The following DNA2 variants were observed in gnomAD, a reference collection of about 807,000 sequenced individuals.
DNA2 encodes the protein DNA replication ATP-dependent helicase/nuclease DNA2.
A neutral mutation model predicts 119.1 loss-of-function variants in DNA2; 101 were observed. The ratio of observed to expected loss-of-function variants is 0.85; its 90% CI spans 0.72 to 1.00. The LOEUF (loss-of-function observed/expected upper bound fraction) is 1.00. DNA2 is among the 50% of genes least tolerant of loss of function. The pLI is 0.00. For synonymous variants in DNA2, 366 were observed against 424.4 expected, an observed-to-expected ratio of 0.86 and a Z score of 1.69; for missense variants, 1,121 against 1,255.5, an observed-to-expected ratio of 0.89 and a Z score of 1.62.
rs76891100 is a variant in DNA2, at chr10:68,470,987, C to A, written c.74+804G>T. Among the ~76,000 whole-genome samples, 793 of 152,250 alleles carry A rather than the reference C, an allele frequency of 5.2e-3. 12 individuals carry two copies. Among genetic ancestry groups the A allele is most frequent in the African/African-American group, 0.018 (750 of 41,550 alleles). ...TAAGTCAATTTGTCAATACTTTCAT[C>A]CATCGGTCCAAGCTGTCTAAAATTA... On this transcript the variant is annotated intron_variant, in intron 1 of 20. Coordinates refer to ENST00000358410, the MANE Select transcript of DNA2 (RefSeq NM_001080449.3).
intron 5 of DNA2, among the ~76,000 whole-genome samples, chr10:68,452,134 G>A (rs1279913887): frequency 6.6e-6 from 1 of 152,004 alleles, no homozygotes; most frequent in Non-Finnish European, 1.5e-5. Context: ...CCGGGGTAGA[G>A]TGCAGTGGCA....
At chr10:68,424,316 C>A (rs2051706015) in intron 14 of DNA2, among the ~76,000 whole-genome samples, 1 of 152,056 alleles carries the variant, frequency 6.6e-6, no homozygotes, top group South Asian at 2.1e-4. Context: ...CCAGCCCGAG[C>A]AACACAGCGA....
rs74632734 is a variant in DNA2 at position 68,468,385 on chromosome 10, A to T, written c.258-79T>A. ...AAACGTATTAGGGAGGCTTCAAAAA[A>T]ATAAATGAGTATTTTATCTGAAGAA... On this transcript the variant is annotated intron_variant, in intron 2 of 20. Coordinates refer to ENST00000358410, the MANE Select transcript of DNA2 (RefSeq NM_001080449.3). 5,784 of 926,572 alleles carry T rather than the reference A, an allele frequency of 6.2e-3. 231 individuals are homozygous for T. The African/African-American group carries it at 0.088, about 14-fold the overall frequency. The allele number at this position is 926,572 out of a possible 1,614,324, so 57.4% of individuals were successfully genotyped here. A position where few individuals can be genotyped will look rare whatever the true frequency, so the allele number is the denominator to read the frequency against.
chr10:68,449,892 T>C, intron 6 of DNA2, 136 bp downstream of exon 6: 1 of 630,754 alleles, frequency 1.6e-6, no homozygotes, highest in South Asian at 2.0e-5. Flanking sequence ...CAGCCTGGCA[T>C]GAACCCAGGA....
chr10:68,452,737 ATTTTTTTTTTT>A (rs35788452), intron 5 of DNA2, among the ~76,000 whole-genome samples: 15 of 90,162 alleles, frequency 1.7e-4, no homozygotes, highest in Middle Eastern at 6.3e-3. Context: ...ACGCCCAGCT[ATTTTTTTTTTT>A]TTTTTTTTTT....
At chr10:68,458,980 A>C in intron 5 of DNA2, 124 bp downstream of exon 5, 1 of 855,502 alleles carries the variant, frequency 1.2e-6, no homozygotes, top group African/African-American at 1.7e-5. Context: ...ATAATTTATA[A>C]AATAAGCAAG....
In DNA2 at chr10:68,422,696, C is replaced by T. The variant is rs763813516; in HGVS notation, c.2402+1G>A. 3.1e-6 allele frequency: 5 copies of T among 1,613,412 alleles called. No individual in the cohort carries two copies. In the Admixed American group the frequency reaches 8.3e-5, roughly 27 times the overall value. On this transcript the variant is annotated splice_donor_variant, in intron 15 of 20. Coordinates refer to ENST00000358410, the MANE Select transcript of DNA2 (RefSeq NM_001080449.3). LOFTEE classifies it high-confidence loss of function. The stretch of plus-strand genomic sequence containing the variant: ...AAATTAACACTTAAGTGTCTGCCTA[C>T]CTTGCTTCACGGTTTAGCACCAGGG...
intron 17 of DNA2, among the ~76,000 whole-genome samples, chr10:68,421,234 G>A (rs898714439): frequency 6.6e-6 from 1 of 151,900 alleles, no homozygotes; most frequent in Admixed American, 6.6e-5. Context: ...CTGTGCCCGG[G>A]TTTAAAGTCT....
chr10:68,464,496 C>T (rs1343145562), intron 4 of DNA2, among the ~76,000 whole-genome samples: 1 of 151,156 alleles, frequency 6.6e-6, no homozygotes. Flanking sequence ...CCTTGGGTGA[C>T]AGAGCAAGAC....
intron 19 of DNA2, among the ~76,000 whole-genome samples, chr10:68,417,733 C>A (rs1265636341): frequency 1.3e-5 from 2 of 151,516 alleles, no homozygotes; most frequent in Non-Finnish European, 2.9e-5. Flanking sequence ...AAACAGGCCT[C>A]AATTACAACA....
intron 19 of DNA2, 148 bp downstream of exon 19, chr10:68,418,886 T>G: frequency 1.9e-6 from 1 of 534,688 alleles, no homozygotes; most frequent in Non-Finnish European, 3.2e-6. Context: ...CTGTCCAGGC[T>G]GGTCTCAAAC....
chr10:68,424,585 T>C (rs997613499), intron 14 of DNA2: 11 of 1,096,790 alleles, frequency 1.0e-5, no homozygotes, highest in Non-Finnish European at 1.5e-5. Context: ...TTCGTGAACT[T>C]GGACCGCAGC....
At chr10:68,464,804 G>A (rs2052305464) in intron 4 of DNA2, among the ~76,000 whole-genome samples, 2 of 116,254 alleles carry the variant, frequency 1.7e-5, no homozygotes, top group African/African-American at 3.4e-5. Context: ...ACTCCAGCCT[G>A]GACAACAAGA....
chr10:68,467,375 C>T (rs555015995), intron 3 of DNA2, among the ~76,000 whole-genome samples: 28 of 151,956 alleles, frequency 1.8e-4, no homozygotes, highest in African/African-American at 6.5e-4. Context: ...TCTCAAAGTG[C>T]TGGGATTACA....
intron 5 of DNA2, among the ~76,000 whole-genome samples, chr10:68,452,962 G>T (rs1431176586): frequency 1.3e-5 from 2 of 150,696 alleles, no homozygotes; most frequent in African/African-American, 2.4e-5. Context: ...GTATAGTGGT[G>T]CAATCTCGGC....
At chr10:68,434,967 A>C (rs1241648663) in intron 10 of DNA2, among the ~76,000 whole-genome samples, 3 of 152,254 alleles carry the variant, frequency 2.0e-5, no homozygotes, top group Non-Finnish European at 4.4e-5. Context: ...AACTGTAAGA[A>C]ATGCTGGAAA....
At chr10:68,438,315 T>A (rs1156499245) in intron 9 of DNA2, among the ~76,000 whole-genome samples, 1 of 151,522 alleles carries the variant, frequency 6.6e-6, no homozygotes, top group Non-Finnish European at 1.5e-5. Flanking sequence ...AGGGCAGGAG[T>A]TCGAGACAAG....
Position 68,429,968 on chromosome 10 carries a change from C to T in DNA2, c.2208+468G>A, listed in dbSNP as rs142432227. On this transcript the variant is annotated intron_variant, in intron 14 of 20. Coordinates refer to ENST00000358410, the MANE Select transcript of DNA2 (RefSeq NM_001080449.3). ...CGCGATCTCTGCTCACTGCAACCTC[C>T]GCCTCCCAGGTTCAAACGATTCTCC... 8.2e-3 allele frequency among the ~76,000 whole-genome samples: 1,217 copies of T among 149,010 alleles called. 21 individuals carry two copies. The highest frequency in any genetic ancestry group is 0.029 in the African/African-American group (1,157 of 40,420).
intron 1 of DNA2, among the ~76,000 whole-genome samples, chr10:68,471,339 A>C (rs2052379006): frequency 6.6e-6 from 1 of 152,164 alleles, no homozygotes; most frequent in Non-Finnish European, 1.5e-5. Flanking sequence ...CCTCAACGCT[A>C]ATTAGCATTA....
Sources: gnomAD v4.1 joint callset for allele counts (sites outside exome capture counted in the v4.1 genomes callset) on GRCh38, gnomAD v4.1.1 for gene constraint, MANE v1.5 for transcripts, NCBI Gene and HGNC (gene_info 2026-07-23, HGNC 2026-07-21) for gene names.